PSG11: variants seen among roughly 807,000 people sequenced by gnomAD.
PSG11 encodes pregnancy-specific beta-1-glycoprotein 11.
PSG11 carries 42 observed loss-of-function variants against 36.0 expected under a neutral mutation model. The observed-to-expected ratio is 1.17, with a 90% CI of 0.91 to 1.51. PSG11 has a LOEUF of 1.51. PSG11 is among the 40% of genes most tolerant of loss of function. The pLI is 0.00. For synonymous variants in PSG11, 206 were observed against 153.5 expected, an observed-to-expected ratio of 1.34 and a Z score of -2.53; for missense variants, 558 against 403.5, an observed-to-expected ratio of 1.38 and a Z score of -3.28.
intron 2 of PSG11, 68 bp downstream of exon 2, chr19:43,024,623 A>T: frequency 6.2e-7 from 1 of 1,607,186 alleles, no homozygotes; most frequent in Non-Finnish European, 8.5e-7. Flanking sequence ...AGGCCTGACA[A>T]TCCTGTGTGT....
intron 2 of PSG11, among the ~76,000 whole-genome samples, chr19:43,023,121 C>G (rs915134209): frequency 7.3e-5 from 11 of 150,722 alleles, no homozygotes; most frequent in African/African-American, 2.7e-4. Context: ...CGAGAACCCT[C>G]TGGTGGCCAA....
At chr19:43,013,806 A>C (rs1270992573) in intron 4 of PSG11, among the ~76,000 whole-genome samples, 3 of 151,464 alleles carry the variant, frequency 2.0e-5, no homozygotes, top group Non-Finnish European at 4.4e-5. Context: ...AATTTGAACA[A>C]ATATTTGTAC....
At chr19:43,024,347 C>G (rs1568493150) in intron 2 of PSG11, 1 of 373,458 alleles carries the variant, frequency 2.7e-6, no homozygotes, top group African/African-American at 2.1e-5. Flanking sequence ...ATCTCAGGGG[C>G]CCCTCAGGTC....
intron 2 of PSG11, among the ~76,000 whole-genome samples, chr19:43,020,678 T>A (rs28613066): frequency 1.3e-5 from 2 of 151,346 alleles, no homozygotes; most frequent in African/African-American, 4.9e-5. Context: ...AAAGGTGATT[T>A]GAAATTAGCA....
intron 2 of PSG11, among the ~76,000 whole-genome samples, chr19:43,022,361 C>A (rs1967121574): frequency 6.6e-6 from 1 of 151,168 alleles, no homozygotes; most frequent in African/African-American, 2.4e-5. Context: ...TCATGTGGTC[C>A]CTACCTAGAG....
chr19:43,018,559 A>G, intron 3 of PSG11: 1 of 1,172,538 alleles, frequency 8.5e-7, no homozygotes, highest in East Asian at 2.5e-5. Context: ...GTGGACCCTG[A>G]GCCTCCCATG....
At chr19:43,013,902 G>T (rs1048610274) in intron 4 of PSG11, among the ~76,000 whole-genome samples, 8 of 151,476 alleles carry the variant, frequency 5.3e-5, no homozygotes, top group Non-Finnish European at 1.2e-4. Flanking sequence ...TGTAGGCAAA[G>T]GAGGTGTATC....
chr19:43,024,862 G>C lies in PSG11; in HGVS notation c.259C>G (p.Gln87Glu), dbSNP rs1184398214. 13 of 1,611,546 alleles carry C rather than the reference G, an allele frequency of 8.1e-6. 2 individuals are homozygous for C. Among genetic ancestry groups the C allele is most frequent in the African/African-American group, 2.7e-5 (2 of 74,184 alleles). The change falls in exon 2 of 6, where the codon CAA becomes GAA. Residue 87 changes from glutamine (Q) to glutamate (E), a missense_variant. Coordinates refer to ENST00000320078, the MANE Select transcript of PSG11 (RefSeq NM_002785.3). Reference protein sequence around the residue: ...HYITSYVVDGQIIIYGPAYSG... With the variant: ...HYITSYVVDGEIIIYGPAYSG... ...TATGCCGGTCCATATATAATTATTT[G>C]ACCGTCTACTACATATGATGTAATG...
At position 43,024,718 on chromosome 19, in the gene PSG11, T is replaced by C; in HGVS notation, c.403A>G (p.Thr135Ala). 6.2e-7 allele frequency: 1 copy of C among 1,611,174 alleles called. No individual in the cohort carries two copies. The highest frequency in any genetic ancestry group is 8.5e-7 in the Non-Finnish European group (1 of 1,178,670). The change falls in exon 2 of 6, where the codon ACT becomes GCT. Residue 135 changes from threonine to alanine, a missense_variant. Thr to Ala is a moderately conservative substitution (Grantham distance 58). Transcript: ENST00000320078. ...IKRGDGTRGV[T>A]GYFTFTLYLE... is the part of the protein sequence containing the mutation. ...TATAAGGTGAAGGTGAAATATCCAGTTACTCCTCTAGTCCCATCACCTCGC... is the reference window on the plus strand; with the variant it reads ...TATAAGGTGAAGGTGAAATATCCAGCTACTCCTCTAGTCCCATCACCTCGC...
At chr19:43,024,585 A>C in intron 2 of PSG11, 106 bp downstream of exon 2, 1 of 1,583,832 alleles carries the variant, frequency 6.3e-7, no homozygotes. Flanking sequence ...CATGGGACAT[A>C]ATGCAGAGAG....
chr19:43,025,475 G>C (rs2122838153), intron 1 of PSG11: 1 of 188,338 alleles, frequency 5.3e-6, no homozygotes, highest in South Asian at 1.2e-4. Context: ...CTCCCTCCAG[G>C]GTTCTTGTCA....
rs1174251240 is a variant in PSG11 at position 43,026,247 on chromosome 19, G to A, written c.64+62C>T. 6.2e-6 allele frequency: 10 copies of A among 1,602,518 alleles called. No homozygotes were observed. The East Asian group carries it at 1.1e-4, about 18-fold the overall frequency. ...TTTAGAACCCCAGGAGCCTCTCCAG[G>A]AGACCCCATCCAGTCACTCTGCTTC... On this transcript the variant is annotated intron_variant, in intron 1 of 5. Coordinates refer to ENST00000320078, the MANE Select transcript of PSG11 (RefSeq NM_002785.3).
intron 4 of PSG11, among the ~76,000 whole-genome samples, chr19:43,012,243 C>G (rs891829535): frequency 6.6e-6 from 1 of 151,350 alleles, no homozygotes; most frequent in Admixed American, 6.6e-5. Context: ...AGGAACAAGA[C>G]AAGGATGCCT....
rs112642118 is a variant in PSG11 at position 43,026,439 on chromosome 19, G to A, written c.-67C>T. The stretch of plus-strand genomic sequence containing the variant: ...TAGGATCCAGAAGCTTCCAGAGCAC[G>A]GCTGTCAGCTGTGCTGTCCTTCCTC... On this transcript the variant is annotated 5_prime_UTR_variant, in exon 1 of 6. Coordinates refer to ENST00000320078, the MANE Select transcript of PSG11 (RefSeq NM_002785.3). 17 of 1,578,710 alleles carry A rather than the reference G, an allele frequency of 1.1e-5. No homozygotes were observed. Among genetic ancestry groups the A allele is most frequent in the Admixed American group, 6.8e-5 (4 of 58,734 alleles).
chr19:43,016,310 G>T (rs1328883554), intron 3 of PSG11, among the ~76,000 whole-genome samples: 4 of 151,328 alleles, frequency 2.6e-5, no homozygotes, highest in African/African-American at 9.8e-5. Context: ...ACGTCAGTGG[G>T]AGTCACAGCC....
rs1000924330 is a variant in PSG11, at chr19:43,011,038, A to G, written c.965-997T>C. ...AGGTAGACATTATTTCCATTTTGCC[A>G]ATGAAAAGACAGAAGCTTAGCGTGC... is the stretch of plus-strand genomic sequence containing the variant. On this transcript the variant is annotated intron_variant, in intron 4 of 5. Coordinates refer to ENST00000320078, the MANE Select transcript of PSG11 (RefSeq NM_002785.3). Among the ~76,000 whole-genome samples the G allele has an allele frequency of 2.6e-5, 4 of 150,944 alleles. 1 individual carries two copies. The highest frequency in any genetic ancestry group is 5.9e-5 in the Non-Finnish European group (4 of 67,828).
At chr19:43,012,221 C>G (rs1352024614) in intron 4 of PSG11, among the ~76,000 whole-genome samples, 1 of 151,228 alleles carries the variant, frequency 6.6e-6, no homozygotes, top group African/African-American at 2.4e-5. Flanking sequence ...TGAAAGCTTC[C>G]CCTCTATGAG....
At chr19:43,022,205 G>A (rs1189312573) in intron 2 of PSG11, among the ~76,000 whole-genome samples, 1 of 151,422 alleles carries the variant, frequency 6.6e-6, no homozygotes, top group Non-Finnish European at 1.5e-5. Flanking sequence ...CATTTGGCAA[G>A]GGTTTACAAA....
chr19:43,009,708 A>G (rs1454182675), intron 5 of PSG11, among the ~76,000 whole-genome samples: 1 of 149,988 alleles, frequency 6.7e-6, no homozygotes, highest in African/African-American at 2.4e-5. Context: ...ACCATGTGAA[A>G]TTGTGTTTCT....
Sources: gnomAD v4.1 joint callset for allele counts (sites outside exome capture counted in the v4.1 genomes callset) on GRCh38, gnomAD v4.1.1 for gene constraint, MANE v1.5 for transcripts, NCBI Gene and HGNC (gene_info 2026-07-23, HGNC 2026-07-21) for gene names.